The following WDPCP variants were observed in gnomAD, a reference collection of about 807,000 sequenced individuals.
WDPCP encodes the protein WD repeat containing planar cell polarity effector.
Under a neutral mutation model 93.1 loss-of-function variants are expected in WDPCP, and 71 were observed. That is an observed-to-expected ratio of 0.76 (90% CI 0.63 to 0.93). The LOEUF is 0.93. Ranked by LOEUF, WDPCP falls within the 40% of genes least tolerant of loss-of-function variation. The pLI, the probability that WDPCP is intolerant of heterozygous loss-of-function variation, is 0.00. For synonymous variants in WDPCP, 315 were observed against 315.0 expected (o/e 1.00, Z 0.00); for missense variants, 844 against 887.4 (o/e 0.95, Z 0.62).
At chr2:63,530,653 G>A (rs1158414011) in intron 1 of WDPCP, among the ~76,000 whole-genome samples, 1 of 152,144 alleles carries the variant, frequency 6.6e-6, no homozygotes, top group Non-Finnish European at 1.5e-5. Context: ...TCTGACCCAA[G>A]GTCATATTTT....
chr2:63,780,876 T>C (rs1398191389), intron 2 of WDPCP, among the ~76,000 whole-genome samples: 1 of 152,136 alleles, frequency 6.6e-6, no homozygotes, highest in African/African-American at 2.4e-5. Flanking sequence ...TTAGACTCTT[T>C]AAAACAAAAT....
chr2:63,749,883 A>G (rs1295539191), intron 2 of WDPCP, among the ~76,000 whole-genome samples: 2 of 152,074 alleles, frequency 1.3e-5, no homozygotes, highest in East Asian at 1.9e-4. Context: ...TTATATCCCC[A>G]TCCTATAGTC....
chr2:63,554,609 C>T (rs534697560), intron 1 of WDPCP, among the ~76,000 whole-genome samples: 17 of 151,690 alleles, frequency 1.1e-4, no homozygotes, highest in East Asian at 5.8e-4. Flanking sequence ...GCCAAGATTG[C>T]GCCATTGCTC....
At chr2:63,413,134 A>G (rs1195840091) in intron 9 of WDPCP, among the ~76,000 whole-genome samples, 2 of 152,244 alleles carry the variant, frequency 1.3e-5, no homozygotes, top group African/African-American at 2.4e-5. Flanking sequence ...CTATAAGGCC[A>G]TAGTCACCAA....
At chr2:63,783,429 A>AG (rs1193904134) in intron 2 of WDPCP, among the ~76,000 whole-genome samples, 2 of 152,102 alleles carry the variant, frequency 1.3e-5, no homozygotes, top group African/African-American at 4.8e-5. Context: ...CTAAAAAAAA[A>AG]ATTTTAATAA....
At chr2:63,249,134 G>C (rs1680515406) in intron 14 of WDPCP, among the ~76,000 whole-genome samples, 2 of 151,994 alleles carry the variant, frequency 1.3e-5, no homozygotes. Flanking sequence ...ATTTGAAAAA[G>C]CCATCTTTCC....
rs1208290696 is a variant in WDPCP, at chr2:63,266,703, G to A, written c.1813-7294C>T. Among the ~76,000 whole-genome samples, 3 of 152,116 alleles carry A rather than the reference G, an allele frequency of 2.0e-5. No homozygotes were observed. The East Asian group carries it at 5.8e-4, about 29-fold the overall frequency. The stretch of plus-strand genomic sequence containing the variant: ...CGCCTGTAATCCCAGCTACTCAGGA[G>A]GCTGAGGCAGGAGAATCATTTGAAC... On this transcript the variant is annotated intron_variant, in intron 13 of 17. Transcript: ENST00000272321.
intron 2 of WDPCP, among the ~76,000 whole-genome samples, chr2:63,690,727 G>T (rs1558885127): frequency 6.6e-6 from 1 of 152,080 alleles, no homozygotes; most frequent in Non-Finnish European, 1.5e-5. Context: ...GGGTGACAGA[G>T]TGAGACCCTG....
At chr2:63,532,716 A>T (rs943378086) in intron 1 of WDPCP, among the ~76,000 whole-genome samples, 4 of 152,246 alleles carry the variant, frequency 2.6e-5, no homozygotes, top group Admixed American at 2.0e-4. Context: ...GAAGCACTAA[A>T]CATGGAAAGG....
intron 1 of WDPCP, among the ~76,000 whole-genome samples, chr2:63,584,564 T>C (rs1708717953): frequency 6.6e-6 from 1 of 152,034 alleles, no homozygotes; most frequent in Non-Finnish European, 1.5e-5. Context: ...CTATGTTCTA[T>C]TCATTTTCAA....
At chr2:63,497,306 C>T (rs929433723) in intron 1 of WDPCP, among the ~76,000 whole-genome samples, 1 of 151,950 alleles carries the variant, frequency 6.6e-6, no homozygotes, top group Non-Finnish European at 1.5e-5. Context: ...GTATTGGGTA[C>T]ATCAATGAGA....
intron 3 of WDPCP, chr2:63,622,672 G>T: frequency 6.2e-7 from 1 of 1,613,790 alleles, no homozygotes; most frequent in East Asian, 2.2e-5. Flanking sequence ...GTCAGGAGTC[G>T]CCGGGACAGC....
At chr2:63,791,453 TA>T (rs1375370405) in intron 2 of WDPCP, among the ~76,000 whole-genome samples, 1 of 152,154 alleles carries the variant, frequency 6.6e-6, no homozygotes, top group African/African-American at 2.4e-5. Flanking sequence ...TCTTGTCTCC[TA>T]AAAGACTGAA....
chr2:63,214,047 A>G (rs560027002), intron 14 of WDPCP, among the ~76,000 whole-genome samples: 3 of 152,320 alleles, frequency 2.0e-5, no homozygotes, highest in Admixed American at 6.5e-5. Flanking sequence ...TGAGGTACAA[A>G]GAGGAGCTGG....
intron 3 of WDPCP, among the ~76,000 whole-genome samples, chr2:63,645,154 C>A (rs1710033169): frequency 6.6e-6 from 1 of 152,084 alleles, no homozygotes; most frequent in African/African-American, 2.4e-5. Flanking sequence ...ATAAATTTCC[C>A]TCTTAGTAAT....
rs555427845 is a variant in WDPCP at position 63,520,635 on chromosome 2, T to C, written c.76-27695A>G. Reference sequence around the variant, plus strand: ...ATCCAGGCGTGATGGCTCACACCTGTAATCCCAGCACTCTGGGAGGCCAAG... The same window carrying C: ...ATCCAGGCGTGATGGCTCACACCTGCAATCCCAGCACTCTGGGAGGCCAAG... On this transcript the variant is annotated intron_variant, in intron 1 of 17. Transcript: ENST00000272321. 1.7e-3 allele frequency among the ~76,000 whole-genome samples: 257 copies of C among 152,256 alleles called. 1 individual carries two copies. The highest frequency in any genetic ancestry group is 5.5e-3 in the African/African-American group (229 of 41,572).
At chr2:63,722,569 C>A (rs1669436002) in intron 2 of WDPCP, among the ~76,000 whole-genome samples, 2 of 119,110 alleles carry the variant, frequency 1.7e-5, no homozygotes, top group Admixed American at 8.1e-5. Context: ...GGGGGGGGGT[C>A]AGCCCCCCGC....
At chr2:63,340,685 C>A (rs1008260805) in intron 12 of WDPCP, among the ~76,000 whole-genome samples, 1 of 152,136 alleles carries the variant, frequency 6.6e-6, no homozygotes, top group Non-Finnish European at 1.5e-5. Flanking sequence ...ATGTGAAAGT[C>A]CAATTCTCCT....
intron 12 of WDPCP, among the ~76,000 whole-genome samples, chr2:63,354,024 G>A (rs915033598): frequency 3.9e-5 from 6 of 152,140 alleles, no homozygotes; most frequent in African/African-American, 7.2e-5. Flanking sequence ...GCCTTCAGGG[G>A]CAACTGAAAG....
Sources: gnomAD v4.1 joint callset for allele counts (sites outside exome capture counted in the v4.1 genomes callset) on GRCh38, gnomAD v4.1.1 for gene constraint, MANE v1.5 for transcripts, NCBI Gene and HGNC (gene_info 2026-07-23, HGNC 2026-07-21) for gene names.